LOC400499: variants seen among roughly 807,000 people sequenced by gnomAD.
the LOC400499 span, among the ~76,000 whole-genome samples, chr16:11,426,364 A>AGGTGGAG: frequency 6.6e-6 from 1 of 151,942 alleles, no homozygotes; most frequent in Non-Finnish European, 1.5e-5. Context: ...TGAAACTGGG[A>AGGTGGAG]GGTGGAGGTT....
the LOC400499 span, among the ~76,000 whole-genome samples, chr16:11,463,231 C>A: frequency 6.6e-6 from 1 of 150,804 alleles, no homozygotes; most frequent in Non-Finnish European, 1.5e-5. Context: ...TCTTTGATGG[C>A]CCCGCCAACC....
the LOC400499 span, among the ~76,000 whole-genome samples, chr16:11,383,265 C>T: frequency 6.6e-6 from 1 of 152,122 alleles, no homozygotes. Flanking sequence ...GACGGGGTTT[C>T]ACCGTGTTAG....
chr16:11,464,590 G>A, the LOC400499 span, among the ~76,000 whole-genome samples: 1 of 152,180 alleles, frequency 6.6e-6, no homozygotes, highest in Non-Finnish European at 1.5e-5. Context: ...TTGAACATAA[G>A]CTCTGGGACT....
the LOC400499 span, chr16:11,508,899 C>T: frequency 2.5e-6 from 1 of 398,868 alleles, no homozygotes; most frequent in Non-Finnish European, 4.4e-6. Flanking sequence ...TGGGGAAATG[C>T]CAGAGTGAGC....
the LOC400499 span, chr16:11,500,758 C>T: frequency 2.6e-4 from 105 of 398,918 alleles, no homozygotes; most frequent in Middle Eastern, 1.2e-3. Flanking sequence ...GCAGCCAAGC[C>T]ACGGAGGGAG....
At chr16:11,384,456 C>T in the LOC400499 span, 1 of 449,890 alleles carries the variant, frequency 2.2e-6, no homozygotes, top group East Asian at 3.5e-5. Context: ...GTCCCACCAC[C>T]TCCACCCCGG....
At chr16:11,516,409 C>G in the LOC400499 span, 8 of 397,908 alleles carry the variant, frequency 2.0e-5, no homozygotes, top group African/African-American at 1.6e-4. Context: ...CAGGCCAGCC[C>G]CCATGGGAAG....
the LOC400499 span, among the ~76,000 whole-genome samples, chr16:11,393,164 C>CT: frequency 2.2e-4 from 25 of 115,130 alleles, 1 homozygote; most frequent in African/African-American, 6.4e-4. Context: ...ACCCCCCCCC[C>CT]TTTTTTTTAA....
the LOC400499 span, chr16:11,488,585 G>A: frequency 5.1e-6 from 2 of 389,218 alleles, no homozygotes; most frequent in Admixed American, 4.5e-5. Context: ...ACACCCAACT[G>A]ACATGTAAAT....
At chr16:11,397,793 G>GGATGGATGGATGGATGGATGGAT in the LOC400499 span, among the ~76,000 whole-genome samples, 16 of 140,038 alleles carry the variant, frequency 1.1e-4, no homozygotes, top group African/African-American at 4.5e-4. Context: ...GAGGGAGGGA[G>GGATGGATGGATGGATGGATGGAT]GGAGGGATGG....
chr16:11,514,188 T>G, the LOC400499 span, among the ~76,000 whole-genome samples: 1 of 152,150 alleles, frequency 6.6e-6, no homozygotes, highest in Non-Finnish European at 1.5e-5. Context: ...AGAAAGAGCC[T>G]GGAGAACCTT....
chr16:11,396,427 T>C, the LOC400499 span: 2 of 1,198,394 alleles, frequency 1.7e-6, no homozygotes, highest in South Asian at 4.3e-5. Context: ...GCCCAGGCAG[T>C]TGGGGGCCTG....
the LOC400499 span, among the ~76,000 whole-genome samples, chr16:11,415,122 G>C: frequency 1.3e-5 from 2 of 152,204 alleles, no homozygotes; most frequent in Non-Finnish European, 2.9e-5. Flanking sequence ...GGCCACTGCG[G>C]CCACTGACAT....
At chr16:11,514,326 C>CA in the LOC400499 span, 1 of 399,182 alleles carries the variant, frequency 2.5e-6, no homozygotes, top group African/African-American at 2.1e-5. Flanking sequence ...ATGCCACGGC[C>CA]AGGGGGTGGC....
the LOC400499 span, chr16:11,387,291 G>C: frequency 8.1e-7 from 1 of 1,232,202 alleles, no homozygotes; most frequent in Non-Finnish European, 1.0e-6. Context: ...ACCACTGAGC[G>C]GTTCCTGCAG....
chr16:11,465,952 G>C, the LOC400499 span, among the ~76,000 whole-genome samples: 1 of 152,264 alleles, frequency 6.6e-6, no homozygotes, highest in South Asian at 2.1e-4. Flanking sequence ...AAACCTTGTG[G>C]CCTGGGAATT....
the LOC400499 span, chr16:11,448,108 C>A: frequency 6.6e-7 from 1 of 1,521,206 alleles, no homozygotes. Context: ...GAGGGACGGG[C>A]CAGCAGGACC....
At chr16:11,447,147 T>TTTGACAGCAAAGA in the LOC400499 span, among the ~76,000 whole-genome samples, 13 of 152,264 alleles carry the variant, frequency 8.5e-5, no homozygotes, top group African/African-American at 2.9e-4. Context: ...CCCGTCGCCA[T>TTTGACAGCAAAGA]TTGACAGCAA....
At chr16:11,410,859 C>G in the LOC400499 span, among the ~76,000 whole-genome samples, 2 of 152,252 alleles carry the variant, frequency 1.3e-5, no homozygotes. Flanking sequence ...TGCACTCCTA[C>G]GACCCCTCAA....
Sources: gnomAD v4.1 joint callset for allele counts (sites outside exome capture counted in the v4.1 genomes callset) on GRCh38, gnomAD v4.1.1 for gene constraint, MANE v1.5 for transcripts.